Variants in CENPP observed in about 807,000 individuals in gnomAD.
CENPP encodes centromere protein P.
Under a neutral mutation model 35.6 loss-of-function variants are expected in CENPP, and 24 were observed. The observed-to-expected ratio is 0.67, with a 90% CI of 0.49 to 0.95. CENPP has a LOEUF of 0.95. Among genes scored for constraint, CENPP ranks in the 40% least tolerant of loss-of-function variants. CENPP has a pLI of 0.00. For missense variants in CENPP, 332 were observed against 345.3 expected (o/e 0.96, Z 0.31); for synonymous variants, 120 against 125.5 (o/e 0.96, Z 0.29).
chr9:92,463,177 G>T (rs1299392827), intron 5 of CENPP, among the ~76,000 whole-genome samples: 2 of 152,204 alleles, frequency 1.3e-5, no homozygotes, highest in East Asian at 3.8e-4. Flanking sequence ...TTATGCAGTA[G>T]AACTTCCTGA....
chr9:92,441,892 G>A (rs1442103070), intron 5 of CENPP, among the ~76,000 whole-genome samples: 1 of 152,114 alleles, frequency 6.6e-6, no homozygotes, highest in African/African-American at 2.4e-5. Flanking sequence ...AACATTTGCT[G>A]GGTTTGATGA....
In CENPP at chr9:92,611,362, TC is replaced by T. The variant is rs778598881; in HGVS notation, c.615del (p.Met206TrpfsTer13). ...CCTCTCGGAGGGGCCCTCCTCCTGC[TC>T]CATGGGGATCCGCAGCGCCAGCCGG... ...VYLSEGPSSC[S>X]MGIRSASRPG... On this transcript the variant is annotated frameshift_variant, in exon 6 of 8. Coordinates refer to ENST00000375587, the MANE Select transcript of CENPP (RefSeq NM_001012267.3). LOFTEE classifies it high-confidence loss of function. 7.4e-6 allele frequency: 12 copies of T among 1,613,186 alleles called. No homozygotes were observed. The highest frequency in any genetic ancestry group is 8.5e-6 in the Non-Finnish European group (10 of 1,179,926).
intron 5 of CENPP, among the ~76,000 whole-genome samples, chr9:92,400,804 C>T (rs539315508): frequency 2.6e-5 from 4 of 152,182 alleles, no homozygotes; most frequent in Admixed American, 6.5e-5. Flanking sequence ...GCAAATAATC[C>T]GTGTTTAAGT....
At chr9:92,360,757 T>A (rs1841725338) in intron 4 of CENPP, among the ~76,000 whole-genome samples, 1 of 152,078 alleles carries the variant, frequency 6.6e-6, no homozygotes, top group Non-Finnish European at 1.5e-5. Context: ...CAGGCTGGAG[T>A]GCAATGGCGT....
chr9:92,367,231 A>G (rs1196521091), intron 4 of CENPP, among the ~76,000 whole-genome samples: 1 of 152,168 alleles, frequency 6.6e-6, no homozygotes, highest in East Asian at 1.9e-4. Context: ...CAGTGGCACA[A>G]TCTCGGCTCA....
chr9:92,417,450 C>G (rs1564310362), intron 5 of CENPP: 1 of 1,613,990 alleles, frequency 6.2e-7, no homozygotes, highest in Non-Finnish European at 8.5e-7. Context: ...TGGTAATCAT[C>G]ATCTGGCTCT....
At chr9:92,605,333 T>C (rs930567210) in intron 5 of CENPP, among the ~76,000 whole-genome samples, 1 of 152,046 alleles carries the variant, frequency 6.6e-6, no homozygotes, top group Non-Finnish European at 1.5e-5. Context: ...TTTTCGTATA[T>C]GGTGTACAGT....
At chr9:92,576,473 A>T (rs1850284623) in intron 5 of CENPP, among the ~76,000 whole-genome samples, 1 of 152,188 alleles carries the variant, frequency 6.6e-6, no homozygotes, top group Non-Finnish European at 1.5e-5. Context: ...AACTTAAACC[A>T]CTTAAAAGTG....
At chr9:92,412,367 A>G (rs1280392870) in intron 5 of CENPP, among the ~76,000 whole-genome samples, 1 of 152,158 alleles carries the variant, frequency 6.6e-6, no homozygotes, top group Non-Finnish European at 1.5e-5. Context: ...GATTACAGAT[A>G]TGAGCCACTG....
At chr9:92,376,860 G>T (rs1316598729) in intron 4 of CENPP, among the ~76,000 whole-genome samples, 1 of 151,848 alleles carries the variant, frequency 6.6e-6, no homozygotes, top group Non-Finnish European at 1.5e-5. Context: ...GGCCAATATG[G>T]TGAAACCCTG....
At position 92,325,955 on chromosome 9, in the gene CENPP, A is replaced by T. The variant is rs1480492757; in HGVS notation, c.-44A>T. The T allele has an allele frequency of 6.7e-7, 1 of 1,489,420 alleles. No homozygotes were observed. Among genetic ancestry groups the T allele is most frequent in the East Asian group, 2.5e-5 (1 of 40,474 alleles). 92.3% of individuals were successfully genotyped at this position (1,489,420 alleles called of 1,614,324 possible). On this transcript the variant is annotated 5_prime_UTR_variant, in exon 1 of 8. Coordinates refer to ENST00000375587, the MANE Select transcript of CENPP (RefSeq NM_001012267.3). ...AGCGCGGGTGAAGCGCGCAGGTCGG[A>T]GTGACAGCTGCGCTGCCGGCCCGGC... is the stretch of plus-strand genomic sequence containing the variant.
At chr9:92,378,105 A>G (rs1842164461) in intron 4 of CENPP, among the ~76,000 whole-genome samples, 1 of 152,164 alleles carries the variant, frequency 6.6e-6, no homozygotes, top group Non-Finnish European at 1.5e-5. Context: ...AGTTGGGGCT[A>G]GCTGACAAAG....
intron 4 of CENPP, among the ~76,000 whole-genome samples, chr9:92,356,371 T>G (rs1400829405): frequency 6.6e-6 from 1 of 152,234 alleles, no homozygotes; most frequent in Non-Finnish European, 1.5e-5. Flanking sequence ...ATGGCTCTTT[T>G]TGCCCGACCC....
chr9:92,519,267 C>T (rs904257942), intron 5 of CENPP, among the ~76,000 whole-genome samples: 6 of 152,190 alleles, frequency 3.9e-5, no homozygotes, highest in African/African-American at 1.2e-4. Context: ...AAAAGCACTA[C>T]ACTCTATCAA....
chr9:92,436,787 T>C (rs906641148), intron 5 of CENPP, among the ~76,000 whole-genome samples: 3 of 152,230 alleles, frequency 2.0e-5, no homozygotes, highest in Non-Finnish European at 2.9e-5. Context: ...TATAGTTATA[T>C]TGTAAGTCTT....
intron 5 of CENPP, among the ~76,000 whole-genome samples, chr9:92,402,776 A>G (rs578132216): frequency 6.6e-6 from 1 of 152,322 alleles, no homozygotes; most frequent in East Asian, 1.9e-4. Context: ...GTGGAATGCT[A>G]TTGATATCAA....
At chr9:92,403,756 T>G (rs1843213505) in intron 5 of CENPP, 4 of 634,920 alleles carry the variant, frequency 6.3e-6, no homozygotes, top group Non-Finnish European at 5.9e-6. Flanking sequence ...TGAAATATTC[T>G]TAGGATACCT....
At chr9:92,337,448 A>G in intron 2 of CENPP, 93 bp from the exon 3 acceptor site, 1 of 738,968 alleles carries the variant, frequency 1.4e-6, no homozygotes. Flanking sequence ...ACATATACCC[A>G]CATGTATTGT....
chr9:92,444,154 G>C (rs1844492264), intron 5 of CENPP, among the ~76,000 whole-genome samples: 2 of 152,156 alleles, frequency 1.3e-5, no homozygotes, highest in Non-Finnish European at 2.9e-5. Flanking sequence ...TCCGCTTTGA[G>C]ATACTGAATC....
Sources: allele counts gnomAD v4.1 joint callset (sites outside exome capture counted in the v4.1 genomes callset), GRCh38; gene constraint gnomAD v4.1.1; transcripts MANE v1.5; gene names NCBI Gene and HGNC (gene_info 2026-07-23, HGNC 2026-07-21).